TBXAS1: variants seen among roughly 807,000 people sequenced by gnomAD.
TBXAS1 encodes the protein thromboxane A synthase 1, also known as thromboxane-A synthase.
In TBXAS1, 48 loss-of-function variants were observed where a neutral mutation model predicts 60.7. The ratio of observed to expected loss-of-function variants is 0.79; its 90% CI spans 0.63 to 1.01. The LOEUF is 1.01. Among genes scored for constraint, TBXAS1 ranks in the 50% least tolerant of loss-of-function variants. The pLI is 0.00. For missense variants in TBXAS1, 685 were observed against 686.3 expected (o/e 1.00, Z 0.02); for synonymous variants, 287 against 269.7 (o/e 1.06, Z -0.63).
At chr7:139,954,055 AT>A (rs1294035943) in intron 6 of TBXAS1, among the ~76,000 whole-genome samples, 1 of 151,266 alleles carries the variant, frequency 6.6e-6, no homozygotes, top group Admixed American at 6.6e-5. Flanking sequence ...GTGTTACTGT[AT>A]TTTATGTGTG....
chr7:139,888,954 A>T (rs1049504247), intron 3 of TBXAS1, among the ~76,000 whole-genome samples: 1 of 152,002 alleles, frequency 6.6e-6, no homozygotes, highest in South Asian at 2.1e-4. Flanking sequence ...CTAGCAAAAA[A>T]CATTCTGATA....
chr7:139,870,235 G>A (rs748712726), intron 1 of TBXAS1, among the ~76,000 whole-genome samples: 143 of 152,274 alleles, frequency 9.4e-4, no homozygotes, highest in Non-Finnish European at 1.7e-3. Context: ...ACATAATTAG[G>A]GCATGGACTT....
intron 9 of TBXAS1, among the ~76,000 whole-genome samples, chr7:139,988,977 G>A (rs972848459): frequency 2.6e-5 from 4 of 152,176 alleles, no homozygotes; most frequent in Non-Finnish European, 4.4e-5. Flanking sequence ...TCTGTGCCCG[G>A]GCAGGGCAAC....
At chr7:139,962,299 G>C (rs1213410009) in intron 9 of TBXAS1, 66 bp downstream of exon 9, 1 of 1,580,002 alleles carries the variant, frequency 6.3e-7, no homozygotes, top group Non-Finnish European at 8.7e-7. Context: ...GTGTTTGTGG[G>C]AGTGAAACTT....
At position 140,013,298 on chromosome 7, in the gene TBXAS1, A is replaced by G. The variant is rs142430863; in HGVS notation, c.1227-2425A>G. Among the ~76,000 whole-genome samples, 1,089 of 152,276 alleles carry G rather than the reference A, an allele frequency of 7.2e-3. 14 individuals are homozygous for G. Among genetic ancestry groups the G allele is most frequent in the African/African-American group, 0.025 (1,046 of 41,552 alleles). The stretch of plus-strand genomic sequence containing the variant: ...ATTAATTTCCTGAAGCCAACAGTGA[A>G]GCTGTTTCTTGGTTCAGAGGTTTAT... On this transcript the variant is annotated intron_variant, in intron 10 of 12. Coordinates refer to ENST00000448866, the MANE Select transcript of TBXAS1 (RefSeq NM_001061.7). This position sits in a 1 kb window ranked among gnomAD's most constrained non-coding sequence, Gnocchi z 4.2.
chr7:140,019,465 C>T (rs1213728478), intron 12 of TBXAS1, among the ~76,000 whole-genome samples: 1 of 152,142 alleles, frequency 6.6e-6, no homozygotes, highest in African/African-American at 2.4e-5. Flanking sequence ...TCAAGGGCTC[C>T]CCGTTCTTCC....
chr7:139,943,260 C>T (rs1003501296), intron 5 of TBXAS1, among the ~76,000 whole-genome samples: 4 of 152,232 alleles, frequency 2.6e-5, no homozygotes, highest in Non-Finnish European at 5.9e-5. Context: ...TCCAAAAATA[C>T]ATTGGCCTTG....
At chr7:139,823,458 T>C (rs1318594506) in intron 4 of TBXAS1, among the ~76,000 whole-genome samples, 4 of 152,080 alleles carry the variant, frequency 2.6e-5, no homozygotes, top group Non-Finnish European at 1.5e-5. Context: ...AGGATCATAT[T>C]GAAGAGACTG....
At chr7:139,947,377 G>C (rs570409162) in intron 5 of TBXAS1, among the ~76,000 whole-genome samples, 2 of 152,004 alleles carry the variant, frequency 1.3e-5, no homozygotes, top group Non-Finnish European at 2.9e-5. Flanking sequence ...GAACACATGC[G>C]CATAAGGAGG....
At chr7:139,922,711 G>A (rs2117112382) in intron 4 of TBXAS1, among the ~76,000 whole-genome samples, 1 of 152,248 alleles carries the variant, frequency 6.6e-6, no homozygotes, top group East Asian at 1.9e-4. Flanking sequence ...TTATATACAA[G>A]GTCACAAAGA....
At chr7:139,918,869 G>C (rs778609255) in intron 4 of TBXAS1, among the ~76,000 whole-genome samples, 1 of 152,164 alleles carries the variant, frequency 6.6e-6, no homozygotes, top group Non-Finnish European at 1.5e-5. Context: ...AGAGAGCGAA[G>C]ATGATGTCAA....
chr7:139,900,852 G>GAA (rs1175555156), intron 3 of TBXAS1, among the ~76,000 whole-genome samples: 2 of 152,164 alleles, frequency 1.3e-5, no homozygotes, highest in Non-Finnish European at 1.5e-5. Flanking sequence ...CATCCATGTA[G>GAA]AAATCCCAAT....
chr7:139,890,567 T>G (rs991093250), intron 3 of TBXAS1, among the ~76,000 whole-genome samples: 2 of 152,152 alleles, frequency 1.3e-5, no homozygotes, highest in Non-Finnish European at 2.9e-5. Context: ...GAGTATTTCT[T>G]GGGACTAGGA....
Position 139,988,926 on chromosome 7 carries a change from C to G in TBXAS1, c.1135-18165C>G, listed in dbSNP as rs777055062. On this transcript the variant is annotated intron_variant, in intron 9 of 12. Coordinates refer to ENST00000448866, the MANE Select transcript of TBXAS1 (RefSeq NM_001061.7). ...ATGGGCCATTGGTAGGTAGTCCCAG[C>G]TGGTCTGGTGTGTGAGGGGAGAGGC... Among the ~76,000 whole-genome samples, 5 of 152,298 alleles carry G rather than the reference C, an allele frequency of 3.3e-5. No individual in the cohort carries two copies. In the East Asian group the frequency reaches 5.8e-4, roughly 18 times the overall value.
At chr7:139,984,726 GAAAGAAAGAAAGAAGAAAAAGA>G (rs1448492661) in intron 9 of TBXAS1, among the ~76,000 whole-genome samples, 13 of 114,176 alleles carry the variant, frequency 1.1e-4, no homozygotes, top group Admixed American at 1.1e-3. Context: ...GGAAGGAAAA[GAAAGAAAGAAAGAAGAAAAAGA>G]AAAGAAAGAA....
rs77579057 is a variant in TBXAS1, at chr7:139,829,457, G to T, written c.67G>T (p.Ala23Ser). 43 of 1,613,850 alleles carry T rather than the reference G, an allele frequency of 2.7e-5. No individual in the cohort carries two copies. The African/African-American group carries it at 5.1e-4, about 19-fold the overall frequency. The stretch of plus-strand genomic sequence containing the variant: ...CATGGTGACGGTGGCCCTGTCAGTG[G>T]CTCTCTTGGCCCTCCTGAAATGGTA... ...GPMVTVALSVALLALLKWYST... is the reference protein window; with the variant it reads ...GPMVTVALSVSLLALLKWYST... Residue 23 changes from alanine (A) to serine (S), a missense_variant, in exon 1 of 13, where the codon GCT becomes TCT. Ala to Ser is a moderately conservative substitution (Grantham distance 99, BLOSUM62 1). Transcript: ENST00000448866.
chr7:139,888,946 A>G (rs1000734694), intron 3 of TBXAS1, among the ~76,000 whole-genome samples: 1 of 151,692 alleles, frequency 6.6e-6, no homozygotes, highest in Admixed American at 6.6e-5. Context: ...AAAAAAAACT[A>G]GCAAAAAACA....
chr7:139,781,276 T>C (rs1379594655), intron 2 of TBXAS1, among the ~76,000 whole-genome samples: 1 of 152,216 alleles, frequency 6.6e-6, no homozygotes, highest in Non-Finnish European at 1.5e-5. Context: ...TTGTCTCCTT[T>C]CCTTCCGGTG....
At chr7:139,980,510 G>A (rs1811885752) in intron 9 of TBXAS1, among the ~76,000 whole-genome samples, 1 of 152,106 alleles carries the variant, frequency 6.6e-6, no homozygotes, top group Non-Finnish European at 1.5e-5. Context: ...GATAACCAGA[G>A]ACCAAGAAAG....
Sources: gnomAD v4.1 joint callset for allele counts (sites outside exome capture counted in the v4.1 genomes callset) on GRCh38, gnomAD v4.1.1 for gene constraint, Gnocchi (gnomAD v3.1) non-coding constraint, MANE v1.5 for transcripts, NCBI Gene and HGNC (gene_info 2026-07-23, HGNC 2026-07-21) for gene names.